SYNPO2: variants seen among roughly 807,000 people sequenced by gnomAD.
SYNPO2 encodes the protein synaptopodin-2.
A neutral mutation model predicts 85.0 loss-of-function variants in SYNPO2; 56 were observed. That is an observed-to-expected ratio of 0.66 (90% CI 0.53 to 0.82). The LOEUF is 0.82. SYNPO2 is among the 40% of genes least tolerant of loss of function. The pLI, the probability that SYNPO2 is intolerant of heterozygous loss-of-function variation, is 0.00. For synonymous variants in SYNPO2, 602 were observed against 591.1 expected (o/e 1.02, Z -0.27); for missense variants, 1,575 against 1,534.2 (o/e 1.03, Z -0.44).
At chr4:119,008,245 G>A (rs1737153818) in intron 1 of SYNPO2, among the ~76,000 whole-genome samples, 1 of 152,118 alleles carries the variant, frequency 6.6e-6, no homozygotes, top group Admixed American at 6.6e-5. Flanking sequence ...ATCAAGACAT[G>A]TCATATATCC....
At chr4:118,952,062 T>A (rs1012948429) in intron 1 of SYNPO2, among the ~76,000 whole-genome samples, 1 of 152,168 alleles carries the variant, frequency 6.6e-6, no homozygotes, top group Non-Finnish European at 1.5e-5. Context: ...GCAAGACAAT[T>A]ATCCTCTGTC....
chr4:118,857,582 A>T (rs532520777), intron 1 of SYNPO2, among the ~76,000 whole-genome samples: 64 of 152,280 alleles, frequency 4.2e-4, no homozygotes, highest in Non-Finnish European at 7.5e-4. Flanking sequence ...AATTTTTTTT[A>T]AAAAAATCAA....
intron 1 of SYNPO2, among the ~76,000 whole-genome samples, chr4:118,966,037 ACGGTGAGACC>A (rs1359989741): frequency 6.6e-6 from 1 of 152,114 alleles, no homozygotes; most frequent in Non-Finnish European, 1.5e-5. Context: ...CCTGGGTGAC[ACGGTGAGACC>A]CTGTCTAAAT....
At chr4:119,032,307 A>G in intron 4 of SYNPO2, 1 of 1,342,468 alleles carries the variant, frequency 7.4e-7, no homozygotes, top group African/African-American at 1.5e-5. Context: ...GTACCGTTAT[A>G]TTAAGTAAGC....
rs762964973 is a variant in SYNPO2 at position 119,027,291 on chromosome 4, G to A, written c.922G>A (p.Val308Met). Residue 308 changes from valine to methionine, a missense_variant, in exon 3 of 5, where the codon GTG becomes ATG. Val to Met is a conservative substitution (Grantham distance 21). This residue lies in a region of SYNPO2 where 1,508 missense variants were observed against 1,446.8 expected (regional missense o/e 1.04). Coordinates refer to ENST00000307142, the MANE Select transcript of SYNPO2 (RefSeq NM_133477.3). ...CAGGCTTCAGGCAGGAAAGGAGTGTGTGGATTCTCCAGTGGAAGGAGGGCA... is the reference window on the plus strand; with the variant it reads ...CAGGCTTCAGGCAGGAAAGGAGTGTATGGATTCTCCAGTGGAAGGAGGGCA... ...GCRLQAGKECVDSPVEGGQSE... is the reference protein window; with the variant it reads ...GCRLQAGKECMDSPVEGGQSE... 6 of 1,614,146 alleles carry A rather than the reference G, an allele frequency of 3.7e-6. No individual in the cohort carries two copies. The highest frequency in any genetic ancestry group is 5.1e-6 in the Non-Finnish European group (6 of 1,180,038).
At chr4:119,022,730 ATTTTATTTTATG>A (rs1207569804) in intron 1 of SYNPO2, among the ~76,000 whole-genome samples, 71 of 144,128 alleles carry the variant, frequency 4.9e-4, no homozygotes, top group African/African-American at 1.6e-3. Context: ...TTTTAATTTT[ATTTTATTTTATG>A]TTTTATTTTA....
At chr4:118,980,725 G>C (rs1028050977) in intron 1 of SYNPO2, among the ~76,000 whole-genome samples, 5 of 152,178 alleles carry the variant, frequency 3.3e-5, no homozygotes, top group Non-Finnish European at 7.3e-5. Flanking sequence ...GAATCCAGTG[G>C]TTTTCAGATT....
intron 1 of SYNPO2, among the ~76,000 whole-genome samples, chr4:118,863,772 C>T (rs959861294): frequency 2.0e-5 from 3 of 152,076 alleles, no homozygotes. Context: ...CCATCACACC[C>T]GGTTAATTTT....
At chr4:118,923,488 C>A (rs1397398691) in intron 1 of SYNPO2, among the ~76,000 whole-genome samples, 3 of 152,056 alleles carry the variant, frequency 2.0e-5, no homozygotes, top group Non-Finnish European at 4.4e-5. Context: ...CACCAAACCT[C>A]CATGACATGC....
At chr4:118,883,062 G>GTT (rs111630098) in intron 1 of SYNPO2, among the ~76,000 whole-genome samples, 5 of 141,458 alleles carry the variant, frequency 3.5e-5, no homozygotes, top group African/African-American at 7.7e-5. Context: ...CGCCCCGCCT[G>GTT]TTTTTTTTTT....
chr4:119,057,784 A>G lies in SYNPO2; in HGVS notation c.3636A>G (p.Gln1212=), dbSNP rs1256333922. 1 of 1,614,070 alleles carries G rather than the reference A, an allele frequency of 6.2e-7. No homozygotes were observed. The highest frequency in any genetic ancestry group is 2.2e-5 in the East Asian group (1 of 44,870). The part of the protein sequence containing the change: ...TANNNMSTTS[Q]YGSQLPYAYY... Reference sequence around the variant, plus strand: ...ATAATAATATGTCCACCACCTCCCAATATGGTTCACAGTTGCCATATGCAT... The same window carrying G: ...ATAATAATATGTCCACCACCTCCCAGTATGGTTCACAGTTGCCATATGCAT... The change falls in exon 5 of 5, where the codon CAA becomes CAG. Residue 1212 remains glutamine, a synonymous_variant. Transcript: ENST00000307142.
At chr4:118,977,306 C>T (rs998404758) in intron 1 of SYNPO2, among the ~76,000 whole-genome samples, 7 of 152,248 alleles carry the variant, frequency 4.6e-5, no homozygotes. Flanking sequence ...CTAAGTCCCC[C>T]ATTGCCCGAG....
chr4:118,992,401 G>T (rs1736448946), intron 1 of SYNPO2, among the ~76,000 whole-genome samples: 1 of 152,114 alleles, frequency 6.6e-6, no homozygotes, highest in East Asian at 1.9e-4. Context: ...TGGAGTGAGG[G>T]TGTGATGAAT....
intron 1 of SYNPO2, among the ~76,000 whole-genome samples, chr4:118,977,877 T>A (rs149761275): frequency 6.6e-6 from 1 of 152,240 alleles, no homozygotes; most frequent in Admixed American, 6.5e-5. Context: ...TTGCCACTTA[T>A]AATTTTGCAA....
At chr4:119,025,871 A>G (rs945704698) in intron 2 of SYNPO2, among the ~76,000 whole-genome samples, 1 of 152,264 alleles carries the variant, frequency 6.6e-6, no homozygotes, top group South Asian at 2.1e-4. Context: ...ACAACTGGGA[A>G]GATCAAAATC....
At chr4:119,046,337 A>T (rs1738866757) in intron 4 of SYNPO2, among the ~76,000 whole-genome samples, 1 of 152,152 alleles carries the variant, frequency 6.6e-6, no homozygotes, top group African/African-American at 2.4e-5. Flanking sequence ...AAAATCAAGA[A>T]GTGTATATTT....
At chr4:118,873,867 G>A (rs1432294192) in intron 1 of SYNPO2, among the ~76,000 whole-genome samples, 1 of 152,070 alleles carries the variant, frequency 6.6e-6, no homozygotes, top group African/African-American at 2.4e-5. Flanking sequence ...TATATGGTAA[G>A]AGAGAGGAGC....
At chr4:118,945,378 C>T (rs978807119) in intron 1 of SYNPO2, among the ~76,000 whole-genome samples, 2 of 152,132 alleles carry the variant, frequency 1.3e-5, no homozygotes, top group Admixed American at 1.3e-4. Flanking sequence ...TGACATAACC[C>T]TTTGCAAATG....
intron 1 of SYNPO2, among the ~76,000 whole-genome samples, chr4:118,927,739 GA>G (rs1733771278): frequency 1.5e-5 from 2 of 135,084 alleles, no homozygotes; most frequent in African/African-American, 5.9e-5. Flanking sequence ...TAGATAGATA[GA>G]TAGATAGATG....
Sources: gnomAD v4.1 joint callset for allele counts (sites outside exome capture counted in the v4.1 genomes callset) on GRCh38, gnomAD v4.1.1 for gene constraint, gnomAD v4.1.1 regional missense constraint, MANE v1.5 for transcripts, NCBI Gene and HGNC (gene_info 2026-07-23, HGNC 2026-07-21) for gene names.